Variants in STAG3 observed in about 807,000 individuals in gnomAD.
STAG3 encodes cohesin subunit SA-3.
STAG3 carries 101 observed loss-of-function variants against 160.7 expected under a neutral mutation model. The ratio of observed to expected loss-of-function variants is 0.63; its 90% CI spans 0.54 to 0.74. The LOEUF is 0.74. Ranked by LOEUF, STAG3 falls within the 30% of genes least tolerant of loss-of-function variation. The probability of loss-of-function intolerance (pLI) is 0.00; values close to 1 mark genes in which losing one functional copy is unlikely to be tolerated. For synonymous variants in STAG3, 519 were observed against 585.0 expected (o/e 0.89, Z 1.63); for missense variants, 1,188 against 1,517.4 (o/e 0.78, Z 3.61).
chr7:100,190,651 C>T (rs1381410696), intron 8 of STAG3, among the ~76,000 whole-genome samples: 1 of 152,070 alleles, frequency 6.6e-6, no homozygotes, highest in African/African-American at 2.4e-5. Context: ...TTCTTCTCTC[C>T]ACTTATAAAT....
intron 32 of STAG3, chr7:100,212,215 C>T: frequency 4.9e-6 from 1 of 202,232 alleles, no homozygotes; most frequent in Non-Finnish European, 1.0e-5. Flanking sequence ...GCAGCCCCTT[C>T]AGTGTCTCTC....
chr7:100,197,509 C>T, intron 10 of STAG3: 1 of 693,448 alleles, frequency 1.4e-6, no homozygotes, highest in Non-Finnish European at 2.5e-6. Context: ...GGGAGAGAGA[C>T]TTTCCCATGG....
chr7:100,200,642 ATCAGCAAGCCTTT>A, intron 18 of STAG3, 100 bp downstream of exon 18: 1 of 1,538,558 alleles, frequency 6.5e-7, no homozygotes, highest in Non-Finnish European at 8.9e-7. Flanking sequence ...TTCCAGAAAA[ATCAGCAAGCCTTT>A]TCTTAGGCAT....
At chr7:100,185,108 G>A (rs1023115532) in intron 4 of STAG3, among the ~76,000 whole-genome samples, 4 of 151,874 alleles carry the variant, frequency 2.6e-5, no homozygotes, top group Non-Finnish European at 4.4e-5. Context: ...GTGCTATCAC[G>A]GCTCCCTGCT....
intron 2 of STAG3, chr7:100,181,276 C>G (rs749484615): frequency 6.6e-6 from 1 of 152,082 alleles, no homozygotes; most frequent in African/African-American, 2.4e-5. Flanking sequence ...AGGAAAAAAG[C>G]GAATTTCATA....
At chr7:100,182,925 A>T in intron 4 of STAG3, 86 bp downstream of exon 4, 1 of 1,467,408 alleles carries the variant, frequency 6.8e-7, no homozygotes, top group South Asian at 1.1e-5. Context: ...ATTTGACGTG[A>T]ACATTTTAGT....
rs1801547403 is a variant in STAG3 at position 100,205,343 on chromosome 7, G to A, written c.3197G>A (p.Ser1066Asn). 1 of 1,613,916 alleles carries A rather than the reference G, an allele frequency of 6.2e-7. No homozygotes were observed. Among genetic ancestry groups the A allele is most frequent in the Admixed American group, 1.7e-5 (1 of 60,022 alleles). Residue 1066 changes from serine (S) to asparagine (N), a missense_variant, in exon 29 of 34, where the codon AGC (serine) becomes AAC (asparagine). By Grantham distance (46) the Ser-to-Asn change is conservative. Coordinates refer to ENST00000615138, the MANE Select transcript of STAG3 (RefSeq NM_001282717.2). ...LSPVENTAET[S>N]PQVLPSSKRR... ...CCTGTGGAGAACACAGCAGAGACCA[G>A]CCCTCAGGTCCTCCCCAGCTCCAAG...
intron 18 of STAG3, 72 bp from the exon 19 acceptor site, chr7:100,200,697 G>A (rs566423031): frequency 1.4e-5 from 22 of 1,575,338 alleles, no homozygotes; most frequent in Admixed American, 1.0e-4. Flanking sequence ...TTTTAACCCC[G>A]TTCCACTTCC....
In STAG3 at chr7:100,188,859, G is replaced by A. The variant is rs1800185414; in HGVS notation, c.558G>A (p.Lys186=). ...TAGCTCCAGGTCCATCCTGGAAGAA[G>A]TTCCAGGGCAGCTTCTGTGAATTTG... ...PLIAPGPSWK[K]FQGSFCEFVR... is the part of the protein sequence containing the mutation. Residue 186 remains lysine (K), a synonymous_variant, in exon 7 of 34, where the codon AAG becomes AAA. Coordinates refer to ENST00000615138, the MANE Select transcript of STAG3 (RefSeq NM_001282717.2). 1 of 1,614,038 alleles carries A rather than the reference G, an allele frequency of 6.2e-7. No homozygotes were observed. Among genetic ancestry groups the A allele is most frequent in the African/African-American group, 1.3e-5 (1 of 74,902 alleles).
intron 3 of STAG3, 76 bp from the exon 4 acceptor site, chr7:100,182,644 AATG>A: frequency 3.4e-6 from 5 of 1,487,610 alleles, no homozygotes; most frequent in Non-Finnish European, 4.7e-6. Flanking sequence ...CTTGTGTGAT[AATG>A]ATGAAACCAA....
At chr7:100,197,748 T>C (rs1800780015) in intron 10 of STAG3, 30 bp from the exon 11 acceptor site, 1 of 1,575,538 alleles carries the variant, frequency 6.3e-7, no homozygotes. Context: ...TAGTCTTATT[T>C]CCATTCTCCT....
chr7:100,186,065 T>C, intron 4 of STAG3, 135 bp from the exon 5 acceptor site: 1 of 762,976 alleles, frequency 1.3e-6, no homozygotes, highest in Non-Finnish European at 2.2e-6. Context: ...CCTTTCATTC[T>C]AGTTCACCAG....
chr7:100,198,361 G>A, intron 12 of STAG3, 114 bp from the exon 13 acceptor site: 2 of 1,271,846 alleles, frequency 1.6e-6, no homozygotes, highest in East Asian at 2.3e-5. Context: ...TCTTCATTTA[G>A]AAGTTTTTTG....
intron 29 of STAG3, among the ~76,000 whole-genome samples, chr7:100,208,169 TTTGAG>T (rs1465918350): frequency 6.6e-6 from 1 of 152,088 alleles, no homozygotes; most frequent in African/African-American, 2.4e-5. Context: ...TGTGATCCAG[TTTGAG>T]TTAATTTTTG....
At chr7:100,182,635 T>C in intron 3 of STAG3, 88 bp from the exon 4 acceptor site, 1 of 1,407,884 alleles carries the variant, frequency 7.1e-7, no homozygotes, top group Non-Finnish European at 1.0e-6. Context: ...TTAAGCCTAC[T>C]TGTGTGATAA....
chr7:100,189,436 T>C lies in STAG3; in HGVS notation c.716-9T>C, dbSNP rs369774355. The C allele has an allele frequency of 6.2e-7, 1 of 1,608,324 alleles. No homozygotes were observed. Among genetic ancestry groups the C allele is most frequent in the African/African-American group, 1.3e-5 (1 of 74,492 alleles). On this transcript the variant is annotated splice_polypyrimidine_tract_variant and intron_variant, in intron 7 of 33. Transcript: ENST00000615138. ...AATGATTTCTTTATCTCTTTTTCCTTTCTCAAAGCTATGAAACTGATGACC... is the reference window on the plus strand; with the variant it reads ...AATGATTTCTTTATCTCTTTTTCCTCTCTCAAAGCTATGAAACTGATGACC...
rs1436474571 is a variant in STAG3 at position 100,200,348 on chromosome 7, C to T, written c.1770+20C>T. 6.2e-7 allele frequency: 1 copy of T among 1,613,520 alleles called. No homozygotes were observed. The highest frequency in any genetic ancestry group is 1.1e-5 in the South Asian group (1 of 91,010). On this transcript the variant is annotated intron_variant, in intron 17 of 33. Transcript: ENST00000615138. ...GCCAAGGTACCGCTGCCCCTCCACT[C>T]TGCATCACACCAAGAGAAGTGAAAG...
In STAG3 at chr7:100,214,117, T is replaced by G. The variant is rs1051557892; in HGVS notation, c.*102T>G. The stretch of plus-strand genomic sequence containing the variant: ...AGCAAAATGAAGCATTCCCCCAGGC[T>G]TCAGCCCTGGGCTCTGAGGGGAAAG... On this transcript the variant is annotated 3_prime_UTR_variant, in exon 34 of 34. Transcript: ENST00000615138. 2.7e-6 allele frequency: 4 copies of G among 1,462,266 alleles called. No individual in the cohort carries two copies. The highest frequency in any genetic ancestry group is 3.8e-6 in the Non-Finnish European group (4 of 1,052,562). The allele number at this position is 1,462,266 out of a possible 1,614,324, so 90.6% of individuals were successfully genotyped here.
chr7:100,180,523 A>ATCTTCCTG lies in STAG3; in HGVS notation c.-33_-26dup, dbSNP rs749356292. ...TCGCCATACCTACCCTGTGGTCCTC[A>ATCTTCCTG]TCTTCCTGGCCTCATAGCTCCTCCT... On this transcript the variant is annotated 5_prime_UTR_variant, in exon 2 of 34. Transcript: ENST00000615138. The ATCTTCCTG allele has an allele frequency of 3.6e-5, 48 of 1,343,710 alleles. No individual in the cohort carries two copies. The highest frequency in any genetic ancestry group is 1.1e-6 in the Non-Finnish European group (1 of 933,636). 83.2% of individuals were successfully genotyped at this position (1,343,710 alleles called of 1,614,324 possible). A position where few individuals can be genotyped will look rare whatever the true frequency, so the allele number is the denominator to read the frequency against.
Sources: gnomAD v4.1 joint callset for allele counts (sites outside exome capture counted in the v4.1 genomes callset) on GRCh38, gnomAD v4.1.1 for gene constraint, MANE v1.5 for transcripts, NCBI Gene and HGNC (gene_info 2026-07-23, HGNC 2026-07-21) for gene names.